The following IL1RL1 variants were observed in gnomAD, a reference collection of about 807,000 sequenced individuals.
The protein encoded by IL1RL1 is interleukin 1 receptor like 1.
A neutral mutation model predicts 50.9 loss-of-function variants in IL1RL1; 32 were observed. The ratio of observed to expected loss-of-function variants is 0.63; its 90% confidence interval spans 0.47 to 0.84. The LOEUF (loss-of-function observed/expected upper bound fraction) is 0.84, where lower values mean the gene tolerates loss of function less well. Ranked by LOEUF, IL1RL1 falls within the 40% of genes least tolerant of loss-of-function variation. IL1RL1 has a pLI of 0.00. For synonymous variants in IL1RL1, 275 were observed against 236.0 expected, an observed-to-expected ratio of 1.17 and a Z score of -1.51; for missense variants, 773 against 662.9, an observed-to-expected ratio of 1.17 and a Z score of -1.82.
intron 1 of IL1RL1, among the ~76,000 whole-genome samples, chr2:102,334,763 T>G (rs1261906175): frequency 1.3e-5 from 2 of 152,202 alleles, no homozygotes; most frequent in African/African-American, 2.4e-5. Context: ...ATTTACATTT[T>G]ACATTTCAGT....
chr2:102,339,022 G>A lies in IL1RL1; in HGVS notation c.247G>A (p.Gly83Ser). The A allele has an allele frequency of 1.2e-6, 2 of 1,613,332 alleles. No individual in the cohort carries two copies. Among genetic ancestry groups the A allele is most frequent in the Non-Finnish European group, 1.7e-6 (2 of 1,179,404 alleles). Reference protein sequence around the residue: ...KFLPAAVADSGIYTCIVRSPT... With the variant: ...KFLPAAVADSSIYTCIVRSPT... ...TCTACCAGCTGCAGTTGCTGATTCT[G>A]GTATTTATACCTGTATTGTCAGAAG... The change falls in exon 3 of 11, where the codon GGT becomes AGT. Residue 83 changes from glycine (G) to serine (S), a missense_variant. By Grantham distance (56) the Gly-to-Ser change is moderately conservative. Transcript: ENST00000233954.
At chr2:102,325,296 C>G (rs1225399734) in intron 1 of IL1RL1, among the ~76,000 whole-genome samples, 3 of 152,184 alleles carry the variant, frequency 2.0e-5, no homozygotes, top group Non-Finnish European at 2.9e-5. Flanking sequence ...AGGGTCCTGA[C>G]AGTTAGAAGG....
chr2:102,350,988 A>T (rs971171869), intron 10 of IL1RL1, among the ~76,000 whole-genome samples: 1 of 152,168 alleles, frequency 6.6e-6, no homozygotes, highest in South Asian at 2.1e-4. Context: ...GGGAAAGGGG[A>T]TCTATTGTCC....
chr2:102,335,201 T>C (rs1170124340), intron 1 of IL1RL1, among the ~76,000 whole-genome samples: 2 of 152,218 alleles, frequency 1.3e-5, no homozygotes, highest in Non-Finnish European at 2.9e-5. Flanking sequence ...CTTAAGTTGC[T>C]ATAAACTACT....
intron 1 of IL1RL1, among the ~76,000 whole-genome samples, chr2:102,334,235 G>A (rs1005890336): frequency 2.0e-5 from 3 of 152,110 alleles, no homozygotes; most frequent in Non-Finnish European, 4.4e-5. Flanking sequence ...CCATATCCAT[G>A]CCAACATCTG....
In IL1RL1 at chr2:102,344,070, G is replaced by A. The variant is rs780757713; in HGVS notation, c.970+655G>A. 2.1e-5 allele frequency: 5 copies of A among 239,730 alleles called. 1 individual carries two copies. Among genetic ancestry groups the A allele is most frequent in the Non-Finnish European group, 3.4e-5 (5 of 147,914 alleles). 14.9% of individuals were successfully genotyped at this position (239,730 alleles called of 1,614,324 possible). On this transcript the variant is annotated intron_variant, in intron 8 of 10. Transcript: ENST00000233954. ...AAGCATGGCGGCATCTGCTTCTGGG[G>A]ACACCTCAGGAGCTTTACTCATGGC...
intron 1 of IL1RL1, among the ~76,000 whole-genome samples, chr2:102,326,031 A>T (rs1318774193): frequency 6.6e-6 from 1 of 152,134 alleles, no homozygotes; most frequent in Non-Finnish European, 1.5e-5. Context: ...GAGAAGAGCA[A>T]CTCCAAGACA....
At chr2:102,339,166 T>A (rs1677448302) in intron 3 of IL1RL1, 119 bp downstream of exon 3, 4 of 686,474 alleles carry the variant, frequency 5.8e-6, no homozygotes, top group Non-Finnish European at 1.0e-5. Flanking sequence ...GTTAAATTTA[T>A]AAAATGATTT....
rs1677946856 is a variant in IL1RL1 at position 102,351,867 on chromosome 2, C to A, written c.1617C>A (p.Ser539Arg). 1 of 1,613,658 alleles carries A rather than the reference C, an allele frequency of 6.2e-7. No individual in the cohort carries two copies. The highest frequency in any genetic ancestry group is 1.3e-5 in the African/African-American group (1 of 74,890). Residue 539 changes from serine (S) to arginine (R), a missense_variant, in exon 11 of 11, where the codon AGC (serine) becomes AGA (arginine). Transcript: ENST00000233954. Reference sequence around the variant, plus strand: ...TGAGGTACCAAATGCCTGTGCCAAGCAAAATTCCCAGAAAGGCCTCTAGTT... The same window carrying A: ...TGAGGTACCAAATGCCTGTGCCAAGAAAAATTCCCAGAAAGGCCTCTAGTT... ...KHVRYQMPVP[S>R]KIPRKASSLT... is the part of the protein sequence containing the mutation.
In IL1RL1 at chr2:102,345,242, T is replaced by G. The variant is rs1336222576; in HGVS notation, c.970+1827T>G. ...TGGACTGATCCTTCTCCCCACTCCC[T>G]TGGTGTGTCTCTGAATGCAATGTTG... On this transcript the variant is annotated intron_variant, in intron 8 of 10. Coordinates refer to ENST00000233954, the MANE Select transcript of IL1RL1 (RefSeq NM_016232.5). The G allele has an allele frequency of 2.0e-5, 20 of 985,334 alleles. No individual in the cohort carries two copies. In the Admixed American group the frequency reaches 1.2e-3, roughly 61 times the overall value. 61.0% of individuals were successfully genotyped at this position (985,334 alleles called of 1,614,324 possible).
intron 1 of IL1RL1, among the ~76,000 whole-genome samples, chr2:102,317,281 G>T (rs2104960068): frequency 6.6e-6 from 1 of 152,218 alleles, no homozygotes; most frequent in South Asian, 2.1e-4. Context: ...GTGAACCCAG[G>T]AGGTGGAGCT....
intron 1 of IL1RL1, among the ~76,000 whole-genome samples, chr2:102,329,708 C>T (rs1012758520): frequency 4.5e-4 from 69 of 152,298 alleles, no homozygotes; most frequent in African/African-American, 1.7e-3. Context: ...CAAAATAAGA[C>T]ATTTATGCAG....
intron 1 of IL1RL1, among the ~76,000 whole-genome samples, chr2:102,329,661 A>T (rs1249360057): frequency 5.9e-5 from 9 of 152,218 alleles, no homozygotes; most frequent in Non-Finnish European, 8.8e-5. Context: ...AAACAACCCC[A>T]TCAAAAAGTG....
intron 1 of IL1RL1, among the ~76,000 whole-genome samples, chr2:102,319,131 G>T (rs1676762872): frequency 6.6e-6 from 1 of 152,066 alleles, no homozygotes; most frequent in African/African-American, 2.4e-5. Flanking sequence ...AAGGTCCTTT[G>T]GGAATAGAAC....
rs4988957 is a variant in IL1RL1 at position 102,351,615 on chromosome 2, T to G, written c.1365T>G (p.Asn455Lys). ...IFILTPQITH[N>K]KEFAYEQEVA... The stretch of plus-strand genomic sequence containing the variant: ...TCCTGACCCCTCAGATCACTCACAA[T>G]AAGGAGTTTGCCTACGAGCAGGAGG... The change falls in exon 11 of 11, where the codon AAT becomes AAG. Residue 455 changes from asparagine (N) to lysine (K), a missense_variant. Asn to Lys is a moderately conservative substitution (Grantham distance 94). Transcript: ENST00000233954. 1.9e-6 allele frequency: 3 copies of G among 1,613,892 alleles called. No homozygotes were observed. Among genetic ancestry groups the G allele is most frequent in the Middle Eastern group, 1.6e-4 (1 of 6,062 alleles).
At chr2:102,313,505 C>T (rs527778852) in intron 1 of IL1RL1, 3 of 152,328 alleles carry the variant, frequency 2.0e-5, no homozygotes, top group African/African-American at 7.2e-5. Context: ...GGCCGCATAG[C>T]TCAAGTGTAT....
At chr2:102,314,492 A>C (rs1676616142) in intron 1 of IL1RL1, among the ~76,000 whole-genome samples, 1 of 152,222 alleles carries the variant, frequency 6.6e-6, no homozygotes. Flanking sequence ...GATTTAAAGA[A>C]GACTTGATAA....
At chr2:102,317,007 A>T (rs1174331877) in intron 1 of IL1RL1, among the ~76,000 whole-genome samples, 2 of 152,176 alleles carry the variant, frequency 1.3e-5, no homozygotes, top group Non-Finnish European at 2.9e-5. Flanking sequence ...GTTTTCATGT[A>T]TACTCAGCTG....
At chr2:102,341,603 C>T (rs1299553260) in intron 5 of IL1RL1, among the ~76,000 whole-genome samples, 2 of 152,162 alleles carry the variant, frequency 1.3e-5, no homozygotes, top group African/African-American at 2.4e-5. Flanking sequence ...AAATAAGCAT[C>T]ACCAGACCAC....
Sources: allele counts gnomAD v4.1 joint callset (sites outside exome capture counted in the v4.1 genomes callset), GRCh38; gene constraint gnomAD v4.1.1; transcripts MANE v1.5; gene names NCBI Gene and HGNC (gene_info 2026-07-23, HGNC 2026-07-21).